The following UBXN7 variants were observed in gnomAD, a reference collection of about 807,000 sequenced individuals.
The protein encoded by UBXN7 is UBX domain-containing protein 7.
A neutral mutation model predicts 58.0 loss-of-function variants in UBXN7; 9 were observed. That is an observed-to-expected ratio of 0.16 (90% CI 0.09 to 0.27). UBXN7 has a LOEUF of 0.27. UBXN7 is among the 10% of genes least tolerant of loss of function. UBXN7 has a pLI of 1.00. For synonymous variants in UBXN7, 208 were observed against 205.0 expected, an observed-to-expected ratio of 1.01 and a Z score of -0.12; for missense variants, 328 against 599.6, an observed-to-expected ratio of 0.55 and a Z score of 4.73.
rs1380243490 is a variant in UBXN7 at position 196,352,455 on chromosome 3, A to T, written c.*4230T>A. 1 of 151,970 alleles carries T rather than the reference A, an allele frequency of 6.6e-6. No homozygotes were observed. The highest frequency in any genetic ancestry group is 1.5e-5 in the Non-Finnish European group (1 of 68,004). The allele number at this position is 151,970 out of a possible 1,614,324, so 9.4% of individuals were successfully genotyped here. The stretch of plus-strand genomic sequence containing the variant: ...GAGATGGGGTTTCACCATGTTGGCC[A>T]GGCTGATCTCGAACTCCCAACCTCA... On this transcript the variant is annotated 3_prime_UTR_variant, in exon 11 of 11. Transcript: ENST00000296328. The surrounding 1 kb of genome is among the most constrained non-coding windows in gnomAD (Gnocchi z 4.1).
chr3:196,356,451 GGGAGGGGGAGGCAGAAGGGTAC>G lies in UBXN7; in HGVS notation c.*212_*233del, dbSNP rs1386996247. The G allele has an allele frequency of 1.0e-5, 4 of 395,056 alleles. No homozygotes were observed. The highest frequency in any genetic ancestry group is 1.8e-5 in the Non-Finnish European group (4 of 223,426). The allele number at this position is 395,056 out of a possible 1,614,324, so 24.5% of individuals were successfully genotyped here. On this transcript the variant is annotated 3_prime_UTR_variant, in exon 11 of 11. Coordinates refer to ENST00000296328, the MANE Select transcript of UBXN7 (RefSeq NM_015562.2). ...ATTAGGTAAGAAAGAAAAGTGTGGGGGGAGGGGGAGGCAGAAGGGTACGGAGTGGGGAGCGAGAAAACAGAAG... is the reference window on the plus strand; with the variant it reads ...ATTAGGTAAGAAAGAAAAGTGTGGGGGGAGTGGGGAGCGAGAAAACAGAAG...
At chr3:196,424,727 CAG>C (rs1157983004) in intron 1 of UBXN7, among the ~76,000 whole-genome samples, 1 of 119,972 alleles carries the variant, frequency 8.3e-6, no homozygotes, top group South Asian at 2.7e-4. Flanking sequence ...TTTTTTGAGA[CAG>C]AGTCTCGCTG....
chr3:196,381,395 CCTGA>C (rs770623499), intron 5 of UBXN7, among the ~76,000 whole-genome samples: 21 of 152,172 alleles, frequency 1.4e-4, no homozygotes, highest in Admixed American at 6.5e-4. Flanking sequence ...AGCTGAGGGA[CCTGA>C]CTGTTAGAAG....
At chr3:196,402,810 T>C (rs1730033608) in intron 3 of UBXN7, 142 bp downstream of exon 3, 1 of 953,828 alleles carries the variant, frequency 1.0e-6, no homozygotes, top group Non-Finnish European at 1.5e-6. Flanking sequence ...ACTGTGCAAC[T>C]TTCTTGACAG....
rs1400640223 is a variant in UBXN7 at position 196,379,525 on chromosome 3, T to A, written c.469-7483A>T. On this transcript the variant is annotated intron_variant, in intron 5 of 10. Transcript: ENST00000296328. ...CAAGAGAACCCTTAATCCTAAGGGTTGTAGAGGGAAAAAGATTCAACTTCC... is the reference window on the plus strand; with the variant it reads ...CAAGAGAACCCTTAATCCTAAGGGTAGTAGAGGGAAAAAGATTCAACTTCC... Among the ~76,000 whole-genome samples, 4 of 152,300 alleles carry A rather than the reference T, an allele frequency of 2.6e-5. No homozygotes were observed. The East Asian group carries it at 5.8e-4, about 22-fold the overall frequency.
Position 196,355,087 on chromosome 3 carries a change from C to T in UBXN7, c.*1598G>A, listed in dbSNP as rs1577427326. 6.6e-6 allele frequency: 1 copy of T among 152,042 alleles called. No homozygotes were observed. The highest frequency in any genetic ancestry group is 1.5e-5 in the Non-Finnish European group (1 of 67,988). 9.4% of individuals were successfully genotyped at this position (152,042 alleles called of 1,614,324 possible). A position where few individuals can be genotyped will look rare whatever the true frequency, so the allele number is the denominator to read the frequency against. On this transcript the variant is annotated 3_prime_UTR_variant, in exon 11 of 11. Coordinates refer to ENST00000296328, the MANE Select transcript of UBXN7 (RefSeq NM_015562.2). ...CATGGCATCTTTTTTTCTTCTTTTC[C>T]CAAATCCCCTAATTGCCAAGAGAGC...
In UBXN7 at chr3:196,369,407, G is replaced by C. The variant is rs1003353056; in HGVS notation, c.706+14C>G. The C allele has an allele frequency of 6.3e-7, 1 of 1,579,088 alleles. No homozygotes were observed. Among genetic ancestry groups the C allele is most frequent in the African/African-American group, 1.3e-5 (1 of 74,146 alleles). ...AGTAATAGGTTAAAAGCTGCGTGCTGATATAAATCTTACCTGTCCGTGGGT... is the reference window on the plus strand; with the variant it reads ...AGTAATAGGTTAAAAGCTGCGTGCTCATATAAATCTTACCTGTCCGTGGGT... On this transcript the variant is annotated intron_variant, in intron 7 of 10. Coordinates refer to ENST00000296328, the MANE Select transcript of UBXN7 (RefSeq NM_015562.2).
chr3:196,408,939 T>C (rs1048099523), intron 1 of UBXN7, among the ~76,000 whole-genome samples: 4 of 152,242 alleles, frequency 2.6e-5, no homozygotes, highest in Non-Finnish European at 4.4e-5. Context: ...GATTATCTTT[T>C]ATCAATTCTG....
chr3:196,426,629 A>G (rs1454115242), intron 1 of UBXN7, among the ~76,000 whole-genome samples: 1 of 152,198 alleles, frequency 6.6e-6, no homozygotes, highest in South Asian at 2.1e-4. Context: ...CAGGAGGATC[A>G]CCTGAGGTCG....
intron 1 of UBXN7, among the ~76,000 whole-genome samples, chr3:196,429,890 G>C (rs779750155): frequency 1.3e-5 from 2 of 152,168 alleles, no homozygotes; most frequent in Non-Finnish European, 2.9e-5. Context: ...ATCAAGCTAC[G>C]TAGACGAACA....
intron 3 of UBXN7, among the ~76,000 whole-genome samples, chr3:196,394,603 CAA>C (rs58896906): frequency 6.1e-5 from 7 of 113,990 alleles, no homozygotes; most frequent in East Asian, 2.5e-4. Flanking sequence ...AACTCCGTCT[CAA>C]AAAAAAAAAA....
intron 3 of UBXN7, chr3:196,400,157 G>A (rs1186445130): frequency 2.0e-5 from 3 of 151,710 alleles, no homozygotes; most frequent in Non-Finnish European, 4.4e-5. Flanking sequence ...GATCACGCCT[G>A]TGAGCAACCA....
At chr3:196,377,076 C>G (rs1018743992) in intron 5 of UBXN7, among the ~76,000 whole-genome samples, 1 of 151,156 alleles carries the variant, frequency 6.6e-6, no homozygotes, top group Non-Finnish European at 1.5e-5. Flanking sequence ...AGAAATATTA[C>G]CGAAATTGTT....
chr3:196,404,270 T>TG (rs1730088217), intron 2 of UBXN7, among the ~76,000 whole-genome samples: 1 of 149,784 alleles, frequency 6.7e-6, no homozygotes. Context: ...GGTTTTTTTT[T>TG]TTTTTTTTTT....
chr3:196,426,385 CAAAAAA>C (rs58979892), intron 1 of UBXN7, among the ~76,000 whole-genome samples: 1 of 114,206 alleles, frequency 8.8e-6, no homozygotes, highest in Non-Finnish European at 1.8e-5. Context: ...GACTTCGTCT[CAAAAAA>C]AAAAAAAAAA....
chr3:196,400,069 C>T (rs534275963), intron 3 of UBXN7: 2 of 152,232 alleles, frequency 1.3e-5, no homozygotes, highest in Admixed American at 6.5e-5. Context: ...AGTAGGGGGA[C>T]CACCAGGTTA....
At chr3:196,420,739 C>T (rs1730656527) in intron 1 of UBXN7, among the ~76,000 whole-genome samples, 2 of 152,088 alleles carry the variant, frequency 1.3e-5, no homozygotes, top group South Asian at 4.1e-4. Context: ...CTGAATGGCA[C>T]CAAACGGCCT....
chr3:196,418,485 G>C (rs1426109205), intron 1 of UBXN7, among the ~76,000 whole-genome samples: 1 of 152,134 alleles, frequency 6.6e-6, no homozygotes, highest in African/African-American at 2.4e-5. Context: ...TCTCATTCAA[G>C]TTGAACACTC....
rs1368529297 is a variant in UBXN7 at position 196,355,272 on chromosome 3, C to T, written c.*1413G>A. 6.6e-6 allele frequency: 1 copy of T among 152,286 alleles called. No individual in the cohort carries two copies. Among genetic ancestry groups the T allele is most frequent in the South Asian group, 2.1e-4 (1 of 4,828 alleles). The allele number at this position is 152,286 out of a possible 1,614,324, so 9.4% of individuals were successfully genotyped here. ...AGTTCTAGTTTTGCCACCAGAATCACGACTACCCCCCCTTCAGAGGACTCC... is the reference window on the plus strand; with the variant it reads ...AGTTCTAGTTTTGCCACCAGAATCATGACTACCCCCCCTTCAGAGGACTCC... On this transcript the variant is annotated 3_prime_UTR_variant, in exon 11 of 11. Transcript: ENST00000296328.
Sources: allele counts gnomAD v4.1 joint callset (sites outside exome capture counted in the v4.1 genomes callset), GRCh38; gene constraint gnomAD v4.1.1; non-coding constraint Gnocchi (gnomAD v3.1); transcripts MANE v1.5; gene names NCBI Gene and HGNC (gene_info 2026-07-23, HGNC 2026-07-21).